The following CHODL variants were observed in gnomAD, a reference collection of about 807,000 sequenced individuals.
CHODL encodes transmembrane protein MT75.
Under a neutral mutation model 34.5 loss-of-function variants are expected in CHODL, and 29 were observed. The ratio of observed to expected loss-of-function variants is 0.84; its 90% CI spans 0.63 to 1.15. The LOEUF is 1.15. Among genes scored for constraint, CHODL ranks in the 50% most tolerant of loss-of-function variants. The pLI, the probability that CHODL is intolerant of heterozygous loss-of-function variation, is 0.00. For synonymous variants in CHODL, 125 were observed against 116.1 expected (o/e 1.08, Z -0.49); for missense variants, 332 against 332.5 (o/e 1.00, Z 0.01).
chr21:18,071,851 T>C (rs2146500372), intron 2 of CHODL, among the ~76,000 whole-genome samples: 1 of 152,282 alleles, frequency 6.6e-6, no homozygotes, highest in South Asian at 2.1e-4. Context: ...ACTACAAATA[T>C]CACAACCGTC....
intron 1 of CHODL, among the ~76,000 whole-genome samples, chr21:17,932,783 A>G (rs2063285308): frequency 6.6e-6 from 1 of 152,220 alleles, no homozygotes; most frequent in African/African-American, 2.4e-5. Context: ...AGAGACTTGG[A>G]AAAGAAAAAG....
intron 1 of CHODL, among the ~76,000 whole-genome samples, chr21:17,984,719 ATCAGTAGAC>A (rs1240060199): frequency 6.6e-6 from 1 of 151,998 alleles, no homozygotes; most frequent in Non-Finnish European, 1.5e-5. Flanking sequence ...ATAAATTTGT[ATCAGTAGAC>A]TCAGATTTTC....
chr21:18,143,523 T>C (rs2072828498), intron 2 of CHODL, among the ~76,000 whole-genome samples: 1 of 152,110 alleles, frequency 6.6e-6, no homozygotes. Context: ...ATGAATTCTG[T>C]GGCAAGATGG....
chr21:18,225,041 G>A (rs2073918757), intron 2 of CHODL, among the ~76,000 whole-genome samples: 2 of 152,080 alleles, frequency 1.3e-5, no homozygotes, highest in African/African-American at 4.8e-5. Flanking sequence ...TGTTTCCTGT[G>A]TGTACAGTAT....
At chr21:18,126,020 T>TA (rs1298999544) in intron 2 of CHODL, among the ~76,000 whole-genome samples, 4 of 152,120 alleles carry the variant, frequency 2.6e-5, no homozygotes, top group South Asian at 4.1e-4. Context: ...GTCTTATTTT[T>TA]AAAAAAATGC....
chr21:18,019,276 G>T (rs1447445242), intron 1 of CHODL, among the ~76,000 whole-genome samples: 1 of 152,128 alleles, frequency 6.6e-6, no homozygotes, highest in Non-Finnish European at 1.5e-5. Context: ...GCTATGGAAA[G>T]ACCTATATAG....
At chr21:18,178,287 T>C (rs2073340527) in intron 2 of CHODL, among the ~76,000 whole-genome samples, 1 of 152,230 alleles carries the variant, frequency 6.6e-6, no homozygotes, top group South Asian at 2.1e-4. Context: ...GAGGTGACAG[T>C]GGTAACTACA....
chr21:18,247,115 A>G (rs2074150634), intron 1 of CHODL, among the ~76,000 whole-genome samples: 1 of 152,182 alleles, frequency 6.6e-6, no homozygotes, highest in Admixed American at 6.5e-5. Context: ...TTAAAAAGAT[A>G]TATTTTGACC....
Position 17,953,222 on chromosome 21 carries a change from T to C in CHODL, c.-145+35822T>C, listed in dbSNP as rs182859852. On this transcript the variant is annotated intron_variant, in intron 1 of 6. Transcript: ENST00000400127. Reference sequence around the variant, plus strand: ...AATAATATTCACTAAGTATATAATATTAACTCAAAGCAGACTGTAATAAGT... The same window carrying C: ...AATAATATTCACTAAGTATATAATACTAACTCAAAGCAGACTGTAATAAGT... Among the ~76,000 whole-genome samples the C allele has an allele frequency of 2.6e-4, 39 of 152,338 alleles. No homozygotes were observed. In the East Asian group the frequency reaches 5.4e-3, roughly 21 times the overall value.
intron 2 of CHODL, among the ~76,000 whole-genome samples, chr21:18,220,759 G>C (rs951881062): frequency 4.0e-5 from 6 of 151,184 alleles, no homozygotes; most frequent in African/African-American, 1.5e-4. Context: ...AGATATCTGT[G>C]ATTAGTCTGA....
intron 2 of CHODL, among the ~76,000 whole-genome samples, chr21:18,058,578 G>A (rs1310776174): frequency 6.6e-6 from 1 of 152,118 alleles, no homozygotes; most frequent in African/African-American, 2.4e-5. Flanking sequence ...AGTGAAATAA[G>A]CCAGGCAGAG....
chr21:18,212,928 C>T (rs768395032), intron 2 of CHODL, among the ~76,000 whole-genome samples: 1 of 152,094 alleles, frequency 6.6e-6, no homozygotes, highest in Non-Finnish European at 1.5e-5. Flanking sequence ...AGCCTATGTC[C>T]ATCATGTTAT....
At position 18,128,339 on chromosome 21, in the gene CHODL, AAAGAAG is replaced by A. The variant is rs1436319679; in HGVS notation, c.-45+100383_-45+100388del. Among the ~76,000 whole-genome samples the A allele has an allele frequency of 7.3e-4, 90 of 123,000 alleles. 1 individual carries two copies. Among genetic ancestry groups the A allele is most frequent in the East Asian group, 3.0e-3 (12 of 4,034 alleles). The allele number at this position is 123,000 out of a possible 152,430, so 80.7% of individuals were successfully genotyped here. A position where few individuals can be genotyped will look rare whatever the true frequency, so the allele number is the denominator to read the frequency against. On this transcript the variant is annotated intron_variant, in intron 2 of 6. Transcript: ENST00000400127. ...AAAAAAAAAAAAAAAAAAAAAAAAAAAAGAAGAAGAAGAAGAAGAACCTAAACAAAC... is the reference window on the plus strand; with the variant it reads ...AAAAAAAAAAAAAAAAAAAAAAAAAAAAGAAGAAGAAGAACCTAAACAAAC...
chr21:17,948,670 T>C (rs577323887), intron 1 of CHODL, among the ~76,000 whole-genome samples: 2 of 152,210 alleles, frequency 1.3e-5, no homozygotes, highest in East Asian at 3.9e-4. Context: ...ATGGATAAAT[T>C]GCTGGACACA....
At chr21:18,029,171 T>C (rs898141571) in intron 2 of CHODL, among the ~76,000 whole-genome samples, 8 of 152,182 alleles carry the variant, frequency 5.3e-5, no homozygotes, top group Non-Finnish European at 1.2e-4. Context: ...CCTAAAGCAA[T>C]AGATCTATTT....
At chr21:17,945,205 C>A (rs2063396825) in intron 1 of CHODL, among the ~76,000 whole-genome samples, 1 of 68,158 alleles carries the variant, frequency 1.5e-5, no homozygotes, top group Admixed American at 1.8e-4. Context: ...GAGCGAGACT[C>A]TGTTAAAAAA....
chr21:17,985,399 A>G (rs1319913387), intron 1 of CHODL, among the ~76,000 whole-genome samples: 1 of 152,158 alleles, frequency 6.6e-6, no homozygotes, highest in Admixed American at 6.5e-5. Context: ...GTATTTATTT[A>G]CCTGTTTCAA....
intron 1 of CHODL, among the ~76,000 whole-genome samples, chr21:17,972,765 C>T (rs1441915667): frequency 6.6e-6 from 1 of 152,130 alleles, no homozygotes. Context: ...CTACCATTGG[C>T]TGTTTTCACA....
At chr21:18,130,735 AGTTTGGCAAAT>A (rs1483328758) in intron 2 of CHODL, among the ~76,000 whole-genome samples, 3 of 152,200 alleles carry the variant, frequency 2.0e-5, no homozygotes, top group African/African-American at 7.2e-5. Context: ...CCCAAATTTT[AGTTTGGCAAAT>A]GCTTTTTTCC....
Sources: gnomAD v4.1 joint callset for allele counts (sites outside exome capture counted in the v4.1 genomes callset) on GRCh38, gnomAD v4.1.1 for gene constraint, MANE v1.5 for transcripts, NCBI Gene and HGNC (gene_info 2026-07-23, HGNC 2026-07-21) for gene names.